CHRNA7: variants seen among roughly 807,000 people sequenced by gnomAD.
CHRNA7 encodes the protein neuronal acetylcholine receptor subunit alpha-7.
In CHRNA7, 17 loss-of-function variants were observed where a neutral mutation model predicts 48.0. That is an observed-to-expected ratio of 0.35 (90% CI 0.24 to 0.53). The LOEUF (loss-of-function observed/expected upper bound fraction) is 0.53, where lower values mean the gene tolerates loss of function less well. Ranked by LOEUF, CHRNA7 falls within the 20% of genes least tolerant of loss-of-function variation. The pLI, the probability that CHRNA7 is intolerant of heterozygous loss-of-function variation, is 0.92. For synonymous variants in CHRNA7, 75 were observed against 242.3 expected (o/e 0.31, Z 6.41); for missense variants, 155 against 577.7 (o/e 0.27, Z 7.50).
intron 4 of CHRNA7, among the ~76,000 whole-genome samples, chr15:32,153,111 C>A (rs1595508668): frequency 6.6e-6 from 1 of 152,226 alleles, no homozygotes; most frequent in South Asian, 2.1e-4. Flanking sequence ...CCTGCACCTG[C>A]AGTTCAGTCA....
chr15:32,047,703 A>G (rs2049579087), intron 2 of CHRNA7, among the ~76,000 whole-genome samples: 1 of 152,234 alleles, frequency 6.6e-6, no homozygotes, highest in East Asian at 1.9e-4. Context: ...AACTTCCAAC[A>G]CTATGTTGAA....
chr15:32,135,534 G>A (rs531144065), intron 4 of CHRNA7, among the ~76,000 whole-genome samples: 3 of 152,206 alleles, frequency 2.0e-5, no homozygotes, highest in Non-Finnish European at 4.4e-5. Flanking sequence ...CTTACGGTCC[G>A]CGCACAGTGG....
chr15:32,126,804 C>G (rs931401792), intron 4 of CHRNA7, among the ~76,000 whole-genome samples: 2 of 152,072 alleles, frequency 1.3e-5, no homozygotes, highest in Non-Finnish European at 2.9e-5. Context: ...TTTTCATATT[C>G]CTCCTAATAT....
chr15:32,117,706 G>A (rs938404616), intron 4 of CHRNA7, among the ~76,000 whole-genome samples: 55 of 152,258 alleles, frequency 3.6e-4, no homozygotes, highest in African/African-American at 1.2e-3. Context: ...CGTGGGCTGC[G>A]ATGTATCTAT....
chr15:32,143,001 T>C (rs554535230), intron 4 of CHRNA7, among the ~76,000 whole-genome samples: 3 of 152,204 alleles, frequency 2.0e-5, no homozygotes, highest in African/African-American at 7.2e-5. Context: ...GTTCTTTTCA[T>C]TGCGATGTTA....
chr15:32,121,743 A>G (rs1351951735), intron 4 of CHRNA7, among the ~76,000 whole-genome samples: 1 of 152,072 alleles, frequency 6.6e-6, no homozygotes, highest in East Asian at 1.9e-4. Context: ...CACTTTTAAG[A>G]TGGGGCATTT....
intron 2 of CHRNA7, among the ~76,000 whole-genome samples, chr15:32,087,304 A>G (rs1431011043): frequency 6.6e-6 from 1 of 152,200 alleles, no homozygotes; most frequent in Non-Finnish European, 1.5e-5. Context: ...CCTCTGGCTT[A>G]ACAGCACTGG....
At chr15:32,086,497 A>G (rs912287121) in intron 2 of CHRNA7, among the ~76,000 whole-genome samples, 5 of 152,108 alleles carry the variant, frequency 3.3e-5, no homozygotes, top group African/African-American at 1.2e-4. Context: ...CCCTGTGAGT[A>G]TCCTCTTGCA....
At chr15:32,122,636 T>G (rs1434521936) in intron 4 of CHRNA7, among the ~76,000 whole-genome samples, 1 of 152,148 alleles carries the variant, frequency 6.6e-6, no homozygotes, top group Non-Finnish European at 1.5e-5. Context: ...CTAAAATGTT[T>G]GTGTATGCTA....
intron 3 of CHRNA7, among the ~76,000 whole-genome samples, chr15:32,108,841 T>C (rs186471878): frequency 7.9e-5 from 12 of 152,348 alleles, no homozygotes; most frequent in Admixed American, 5.9e-4. Flanking sequence ...CATCTCATCC[T>C]GTGAGGCAGG....
At chr15:32,037,226 G>A (rs369740117) in intron 2 of CHRNA7, among the ~76,000 whole-genome samples, 38 of 152,268 alleles carry the variant, frequency 2.5e-4, no homozygotes, top group African/African-American at 8.9e-4. Context: ...CTTTGTCAAA[G>A]ATCAGCTGAT....
At chr15:32,117,196 GCAAA>G (rs965265665) in intron 4 of CHRNA7, among the ~76,000 whole-genome samples, 7 of 152,172 alleles carry the variant, frequency 4.6e-5, no homozygotes, top group Admixed American at 4.6e-4. Flanking sequence ...CATACTGCGG[GCAAA>G]CAGAGCCCAT....
intron 2 of CHRNA7, among the ~76,000 whole-genome samples, chr15:32,032,809 G>C (rs1901906985): frequency 6.6e-6 from 1 of 152,210 alleles, no homozygotes; most frequent in Admixed American, 6.5e-5. Context: ...GGTTGCAAAG[G>C]CTGCGGCAGC....
At chr15:32,093,720 A>G (rs1478443445) in intron 2 of CHRNA7, among the ~76,000 whole-genome samples, 1 of 152,136 alleles carries the variant, frequency 6.6e-6, no homozygotes, top group African/African-American at 2.4e-5. Flanking sequence ...CCATCTTGTC[A>G]TCATGGGTCT....
At chr15:32,122,032 A>T (rs1455574694) in intron 4 of CHRNA7, among the ~76,000 whole-genome samples, 1 of 152,200 alleles carries the variant, frequency 6.6e-6, no homozygotes, top group African/African-American at 2.4e-5. Flanking sequence ...TGTAAACATC[A>T]CACGATGCTG....
intron 4 of CHRNA7, among the ~76,000 whole-genome samples, chr15:32,144,112 T>C (rs987271620): frequency 3.9e-5 from 6 of 152,228 alleles, no homozygotes; most frequent in Admixed American, 6.5e-5. Context: ...AAGGCAGGCC[T>C]GGTGGTGACA....
intron 2 of CHRNA7, among the ~76,000 whole-genome samples, chr15:32,049,213 G>A (rs1486753591): frequency 2.0e-5 from 3 of 151,886 alleles, no homozygotes; most frequent in African/African-American, 2.4e-5. Context: ...TTAACTTTCT[G>A]TCTCGTTGAT....
At chr15:32,052,033 G>A (rs975241460) in intron 2 of CHRNA7, among the ~76,000 whole-genome samples, 6 of 152,036 alleles carry the variant, frequency 3.9e-5, no homozygotes, top group African/African-American at 1.4e-4. Flanking sequence ...AGTTTGTCAA[G>A]GTTTGCTTAA....
intron 4 of CHRNA7, 85 bp downstream of exon 4, chr15:32,111,984 G>A: frequency 1.1e-6 from 1 of 890,908 alleles, no homozygotes; most frequent in Non-Finnish European, 1.9e-6. Flanking sequence ...TCACAGAGAT[G>A]CTGGATATGT....
Sources: allele counts gnomAD v4.1 joint callset (sites outside exome capture counted in the v4.1 genomes callset), GRCh38; gene constraint gnomAD v4.1.1; transcripts MANE v1.5; gene names NCBI Gene and HGNC (gene_info 2026-07-23, HGNC 2026-07-21).